The following DPYSL2 variants were observed in gnomAD, a reference collection of about 807,000 sequenced individuals.
The protein encoded by DPYSL2 is dihydropyrimidinase-related protein 2.
In DPYSL2, 13 loss-of-function variants were observed where a neutral mutation model predicts 69.9. That is an observed-to-expected ratio of 0.19 (90% CI 0.12 to 0.30). The LOEUF (loss-of-function observed/expected upper bound fraction) is 0.30. DPYSL2 is among the 10% of genes least tolerant of loss of function. The pLI is 1.00. For missense variants in DPYSL2, 587 were observed against 918.9 expected, an observed-to-expected ratio of 0.64 and a Z score of 4.67; for synonymous variants, 326 against 359.1, an observed-to-expected ratio of 0.91 and a Z score of 1.04.
chr8:26,542,923 T>A (rs896267774), intron 1 of DPYSL2, among the ~76,000 whole-genome samples: 2 of 152,178 alleles, frequency 1.3e-5, no homozygotes, highest in African/African-American at 4.8e-5. Context: ...TTTTCACACA[T>A]CATGAATATT....
At chr8:26,525,292 T>G (rs13281577) in intron 1 of DPYSL2, among the ~76,000 whole-genome samples, 1 of 152,006 alleles carries the variant, frequency 6.6e-6, no homozygotes, top group Non-Finnish European at 1.5e-5. Context: ...TCATCATAAG[T>G]TCACTGCAGC....
intron 1 of DPYSL2, among the ~76,000 whole-genome samples, chr8:26,537,850 G>C (rs1800620445): frequency 6.6e-6 from 1 of 152,044 alleles, no homozygotes. Flanking sequence ...TCTTTAGTAG[G>C]TCCAACATTC....
In DPYSL2 at chr8:26,598,457, G is replaced by A. The variant is rs1009997356; in HGVS notation, c.628+14474G>A. On this transcript the variant is annotated intron_variant, in intron 3 of 13. Coordinates refer to ENST00000521913, the MANE Select transcript of DPYSL2 (RefSeq NM_001197293.3). The surrounding 1 kb of genome is among the most constrained non-coding windows in gnomAD (Gnocchi z 4.2). ...CTTTTCCCTCCTGCTCTATGAAAACGTATTTTCCATGTTAAAAAAGGAAGA... is the reference window on the plus strand; with the variant it reads ...CTTTTCCCTCCTGCTCTATGAAAACATATTTTCCATGTTAAAAAAGGAAGA... 2.0e-5 allele frequency among the ~76,000 whole-genome samples: 3 copies of A among 152,064 alleles called. No homozygotes were observed. The highest frequency in any genetic ancestry group is 2.1e-4 in the South Asian group (1 of 4,810).
At chr8:26,629,319 C>T (rs1243744684) in intron 7 of DPYSL2, among the ~76,000 whole-genome samples, 1 of 151,840 alleles carries the variant, frequency 6.6e-6, no homozygotes, top group Non-Finnish European at 1.5e-5. Context: ...TACACACACA[C>T]ACATACACAT....
chr8:26,567,202 T>A (rs1801165645), intron 1 of DPYSL2, among the ~76,000 whole-genome samples: 1 of 143,382 alleles, frequency 7.0e-6, no homozygotes, highest in South Asian at 2.3e-4. Context: ...CCACACATCA[T>A]CTGTCTGTCC....
At chr8:26,515,192 C>T (rs1474157622) in intron 1 of DPYSL2, among the ~76,000 whole-genome samples, 1 of 152,210 alleles carries the variant, frequency 6.6e-6, no homozygotes, top group Non-Finnish European at 1.5e-5. Flanking sequence ...GTCCCGAGCT[C>T]CGAGGCCAGG....
At chr8:26,599,823 A>G (rs1007080270) in intron 3 of DPYSL2, among the ~76,000 whole-genome samples, 7 of 152,202 alleles carry the variant, frequency 4.6e-5, no homozygotes, top group African/African-American at 1.2e-4. Flanking sequence ...TTTTTAGTAT[A>G]TTCACAGAAT....
intron 7 of DPYSL2, among the ~76,000 whole-genome samples, chr8:26,631,834 G>A (rs569313181): frequency 4.0e-4 from 61 of 152,188 alleles, no homozygotes; most frequent in Non-Finnish European, 7.2e-4. Context: ...AAGCCCACAG[G>A]CACCTGCCGG....
chr8:26,633,735 C>T lies in DPYSL2; in HGVS notation c.1006-1045C>T, dbSNP rs536586501. On this transcript the variant is annotated intron_variant, in intron 7 of 13. Coordinates refer to ENST00000521913, the MANE Select transcript of DPYSL2 (RefSeq NM_001197293.3). ...AGGTGATCCACACTCCTCAGCCTCCCAAAGTGCTGGGATTACAGGTGTGAG... is the reference window on the plus strand; with the variant it reads ...AGGTGATCCACACTCCTCAGCCTCCTAAAGTGCTGGGATTACAGGTGTGAG... Among the ~76,000 whole-genome samples, 5 of 152,246 alleles carry T rather than the reference C, an allele frequency of 3.3e-5. No individual in the cohort carries two copies. In the South Asian group the frequency reaches 1.0e-3, roughly 32 times the overall value.
At chr8:26,577,285 G>C (rs1362114438) in intron 1 of DPYSL2, 2 of 291,952 alleles carry the variant, frequency 6.9e-6, no homozygotes, top group South Asian at 2.6e-5. Flanking sequence ...CGCCCTCTCC[G>C]GGGCCGGGCG....
chr8:26,533,737 A>T lies in DPYSL2; in HGVS notation c.354+19058A>T, dbSNP rs1309148575. Among the ~76,000 whole-genome samples the T allele has an allele frequency of 6.6e-6, 1 of 152,252 alleles. No homozygotes were observed. Among genetic ancestry groups the T allele is most frequent in the Non-Finnish European group, 1.5e-5 (1 of 68,040 alleles). ...GTGAAGTCAATGACCACAGCTGTCA[A>T]ATGTTCTCAGGTGAAGAGGTTGAGA... On this transcript the variant is annotated intron_variant, in intron 1 of 13. Transcript: ENST00000521913. The surrounding 1 kb of genome is among the most constrained non-coding windows in gnomAD (Gnocchi z 4.8).
chr8:26,524,801 C>CAAAAAAAAAAAAAAA (rs753822230), intron 1 of DPYSL2, among the ~76,000 whole-genome samples: 1 of 41,086 alleles, frequency 2.4e-5, no homozygotes, highest in Admixed American at 4.4e-4. Flanking sequence ...GACTCTGTCT[C>CAAAAAAAAAAAAAAA]AAAAAAAAAA....
chr8:26,544,613 T>A (rs1200189937), intron 1 of DPYSL2, among the ~76,000 whole-genome samples: 7 of 152,242 alleles, frequency 4.6e-5, no homozygotes, highest in South Asian at 2.1e-4. Context: ...TCTAGAATCC[T>A]CCATTTCTTC....
chr8:26,544,861 C>A (rs1800740338), intron 1 of DPYSL2, among the ~76,000 whole-genome samples: 1 of 152,148 alleles, frequency 6.6e-6, no homozygotes, highest in Admixed American at 6.5e-5. Context: ...GGGGGCTATA[C>A]TTATATCAGA....
intron 1 of DPYSL2, among the ~76,000 whole-genome samples, chr8:26,575,205 G>T (rs1049225849): frequency 1.1e-4 from 17 of 152,176 alleles, no homozygotes; most frequent in African/African-American, 4.1e-4. Flanking sequence ...GCTGAGGCTG[G>T]TCTCCAACTC....
chr8:26,577,077 A>G, intron 1 of DPYSL2: 3 of 431,436 alleles, frequency 7.0e-6, no homozygotes, highest in East Asian at 9.6e-5. Context: ...AGGATGTTTC[A>G]GGGCGGGGTT....
rs147402439 is a variant in DPYSL2, at chr8:26,588,539, A to G, written c.628+4556A>G. ...CACCTGAACTCCAGGCTCTCTCTAG[A>G]GGAGGTGCACCCTCAGGCACAACAT... is the stretch of plus-strand genomic sequence containing the variant. On this transcript the variant is annotated intron_variant, in intron 3 of 13. Transcript: ENST00000521913. The surrounding 1 kb of genome is among the most constrained non-coding windows in gnomAD (Gnocchi z 5.4). 3.0e-3 allele frequency among the ~76,000 whole-genome samples: 456 copies of G among 152,194 alleles called. 3 individuals are homozygous for G. Among genetic ancestry groups the G allele is most frequent in the African/African-American group, 0.011 (436 of 41,510 alleles).
At chr8:26,638,799 G>A (rs1395951805) in intron 8 of DPYSL2, among the ~76,000 whole-genome samples, 2 of 152,248 alleles carry the variant, frequency 1.3e-5, no homozygotes, top group African/African-American at 4.8e-5. Flanking sequence ...CATGTAGCCT[G>A]TGGGAATTAG....
In DPYSL2 at chr8:26,516,614, TA is replaced by T. The variant is rs1169821241; in HGVS notation, c.354+1939del. ...CTTAGATATATGAAATTCTAAATTG[TA>T]AAACTAAGGCACGCAGAGGGGGAGA... On this transcript the variant is annotated intron_variant, in intron 1 of 13. Transcript: ENST00000521913. This position sits in a 1 kb window ranked among gnomAD's most constrained non-coding sequence, Gnocchi z 4.8. Among the ~76,000 whole-genome samples, 2 of 152,222 alleles carry T rather than the reference TA, an allele frequency of 1.3e-5. No homozygotes were observed. The highest frequency in any genetic ancestry group is 4.8e-5 in the African/African-American group (2 of 41,456).
Sources: allele counts gnomAD v4.1 joint callset (sites outside exome capture counted in the v4.1 genomes callset), GRCh38; gene constraint gnomAD v4.1.1; non-coding constraint Gnocchi (gnomAD v3.1); transcripts MANE v1.5; gene names NCBI Gene and HGNC (gene_info 2026-07-23, HGNC 2026-07-21).